The following DHRS7 variants were observed in gnomAD, a reference collection of about 807,000 sequenced individuals.
DHRS7 encodes the protein dehydrogenase/reductase SDR family member 7.
A neutral mutation model predicts 38.9 loss-of-function variants in DHRS7; 34 were observed. The ratio of observed to expected loss-of-function variants is 0.87; its 90% CI spans 0.66 to 1.16. The LOEUF (loss-of-function observed/expected upper bound fraction) is 1.16. Ranked by LOEUF, DHRS7 falls within the 50% of genes most tolerant of loss-of-function variation. The pLI is 0.00. For missense variants in DHRS7, 421 were observed against 407.0 expected (o/e 1.03, Z -0.30); for synonymous variants, 158 against 153.1 (o/e 1.03, Z -0.24).
rs1896760356 is a variant in DHRS7, at chr14:60,161,265, C to T, written c.133+3912G>A. Among the ~76,000 whole-genome samples the T allele has an allele frequency of 6.6e-6, 1 of 152,108 alleles. No individual in the cohort carries two copies. Among genetic ancestry groups the T allele is most frequent in the Admixed American group, 6.5e-5 (1 of 15,270 alleles). ...GCTTATGGTTATTAGAGCTGGGCTA[C>T]CTTTAATCATGGAATAATCTTATGT... On this transcript the variant is annotated intron_variant, in intron 1 of 6. Transcript: ENST00000557185. This position sits in a 1 kb window ranked among gnomAD's most constrained non-coding sequence, Gnocchi z 4.2.
In DHRS7 at chr14:60,162,472, C is replaced by T. The variant is rs1896782503; in HGVS notation, c.133+2705G>A. Among the ~76,000 whole-genome samples the T allele has an allele frequency of 6.6e-6, 1 of 151,996 alleles. No individual in the cohort carries two copies. The highest frequency in any genetic ancestry group is 2.4e-5 in the African/African-American group (1 of 41,378). On this transcript the variant is annotated intron_variant, in intron 1 of 6. Coordinates refer to ENST00000557185, the MANE Select transcript of DHRS7 (RefSeq NM_016029.4). This position sits in a 1 kb window ranked among gnomAD's most constrained non-coding sequence, Gnocchi z 4.5. ...AGAGGAGGCAGGAAATGGTGGCTGC[C>T]TCGAGAGAAGCACACTAGGTAGCTA... is the stretch of plus-strand genomic sequence containing the variant.
upstream of DHRS7, among the ~76,000 whole-genome samples, chr14:60,168,033 C>T (rs1205896320): frequency 2.0e-5 from 3 of 152,168 alleles, no homozygotes; most frequent in East Asian, 5.8e-4. Context: ...CCTGGCTGTA[C>T]CCCAGCTACA....
intron 2 of DHRS7, among the ~76,000 whole-genome samples, chr14:60,154,995 G>GT (rs1896627808): frequency 6.6e-6 from 1 of 152,168 alleles, no homozygotes. Context: ...TCATTTCTGG[G>GT]TGGTTAGCTC....
At chr14:60,155,811 A>C (rs1896645625) in intron 2 of DHRS7, 189 bp downstream of exon 2, 1 of 433,456 alleles carries the variant, frequency 2.3e-6, no homozygotes, top group Non-Finnish European at 3.8e-6. Flanking sequence ...AAAGCATAGA[A>C]AGGTGGCAGA....
chr14:60,157,068 C>T (rs1156903388), intron 1 of DHRS7, among the ~76,000 whole-genome samples: 1 of 152,164 alleles, frequency 6.6e-6, no homozygotes, highest in Non-Finnish European at 1.5e-5. Flanking sequence ...TATCAAATAT[C>T]GTATCACTTA....
chr14:60,153,019 T>C lies in DHRS7; in HGVS notation c.553A>G (p.Ile185Val). Residue 185 changes from isoleucine (I) to valine (V), a missense_variant, in exon 4 of 7, where the codon ATT becomes GTT. Ile to Val is a conservative substitution (Grantham distance 29). Transcript: ENST00000557185. The surrounding 1 kb of genome is among the most constrained non-coding windows in gnomAD (Gnocchi z 4.4). ...CCCAGGATGCTATTCACAGTAACAA[T>C]CTTTCCTTGCTTCCTCTCGATCATG... ...PHMIERKQGKIVTVNSILGII... is the reference protein window; with the variant it reads ...PHMIERKQGKVVTVNSILGII... 6.2e-7 allele frequency: 1 copy of C among 1,614,222 alleles called. No individual in the cohort carries two copies. Among genetic ancestry groups the C allele is most frequent in the Non-Finnish European group, 8.5e-7 (1 of 1,180,034 alleles).
chr14:60,153,850 C>T lies in DHRS7; in HGVS notation c.393+109G>A, dbSNP rs1896601009. ...GGCCCAACTCATGGGCCCGATCTCA[C>T]TGCATGGACCCCACTTGCCTAAAGC... is the stretch of plus-strand genomic sequence containing the variant. On this transcript the variant is annotated intron_variant, in intron 3 of 6. Transcript: ENST00000557185. The surrounding 1 kb of genome is among the most constrained non-coding windows in gnomAD (Gnocchi z 4.4). 1.1e-6 allele frequency: 1 copy of T among 881,392 alleles called. No homozygotes were observed. The highest frequency in any genetic ancestry group is 1.8e-6 in the Non-Finnish European group (1 of 541,788). 54.6% of individuals were successfully genotyped at this position (881,392 alleles called of 1,614,324 possible).
upstream of DHRS7, chr14:60,169,157 A>AAC (rs1896903546): frequency 6.7e-6 from 1 of 150,122 alleles, no homozygotes; most frequent in East Asian, 2.2e-4. Context: ...AAAAAAAAAA[A>AAC]AAAACCATTG....
intron 1 of DHRS7, among the ~76,000 whole-genome samples, chr14:60,156,529 G>C (rs1341377016): frequency 6.6e-6 from 1 of 152,166 alleles, no homozygotes; most frequent in Non-Finnish European, 1.5e-5. Context: ...AAAAATCACT[G>C]TCTGGACTCA....
Position 60,153,232 on chromosome 14 carries a change from T to G in DHRS7, c.394-54A>C. 6.3e-7 allele frequency: 1 copy of G among 1,595,610 alleles called. No homozygotes were observed. The highest frequency in any genetic ancestry group is 2.2e-5 in the East Asian group (1 of 44,622). On this transcript the variant is annotated intron_variant, in intron 3 of 6. Coordinates refer to ENST00000557185, the MANE Select transcript of DHRS7 (RefSeq NM_016029.4). The surrounding 1 kb of genome is among the most constrained non-coding windows in gnomAD (Gnocchi z 4.4). ...TTTGGGGGATGTCTTGTGGATAGATTGATGGAATTCCTATGGATGGTTGGT... is the reference window on the plus strand; with the variant it reads ...TTTGGGGGATGTCTTGTGGATAGATGGATGGAATTCCTATGGATGGTTGGT...
At position 60,145,297 on chromosome 14, in the gene DHRS7, G is replaced by A; in HGVS notation, c.973-284C>T. On this transcript the variant is annotated intron_variant, in intron 6 of 6. Coordinates refer to ENST00000557185, the MANE Select transcript of DHRS7 (RefSeq NM_016029.4). This position sits in a 1 kb window ranked among gnomAD's most constrained non-coding sequence, Gnocchi z 4.0. ...TCTCTATAATGACTTTTCTGGATCA[G>A]CATATCATACCTACACTGACTTGCC... 4.1e-6 allele frequency: 1 copy of A among 246,672 alleles called. No individual in the cohort carries two copies. The allele number at this position is 246,672 out of a possible 1,614,324, so 15.3% of individuals were successfully genotyped here.
At chr14:60,160,590 G>T (rs911807151) in intron 1 of DHRS7, among the ~76,000 whole-genome samples, 1 of 151,516 alleles carries the variant, frequency 6.6e-6, no homozygotes, top group Non-Finnish European at 1.5e-5. Flanking sequence ...TTTGGCGGGG[G>T]GACGGGGGGA....
chr14:60,160,359 T>C (rs917694830), intron 1 of DHRS7, among the ~76,000 whole-genome samples: 1 of 151,188 alleles, frequency 6.6e-6, no homozygotes. Flanking sequence ...TTTTTTTTTT[T>C]TTACAAAATT....
rs1362267175 is a variant in DHRS7 at position 60,153,839 on chromosome 14, GC to G, written c.393+119del. ...AGAGATTAAGGGGCCCAACTCATGG[GC>G]CCGATCTCACTGCATGGACCCCACT... On this transcript the variant is annotated intron_variant, in intron 3 of 6. Coordinates refer to ENST00000557185, the MANE Select transcript of DHRS7 (RefSeq NM_016029.4). The surrounding 1 kb of genome is among the most constrained non-coding windows in gnomAD (Gnocchi z 4.4). 3 of 756,726 alleles carry G rather than the reference GC, an allele frequency of 4.0e-6. No individual in the cohort carries two copies. The highest frequency in any genetic ancestry group is 2.4e-4 in the Middle Eastern group (1 of 4,236). The allele number at this position is 756,726 out of a possible 1,614,324, so 46.9% of individuals were successfully genotyped here.
chr14:60,150,314 G>A (rs1896516897), intron 4 of DHRS7, 127 bp from the exon 5 acceptor site: 1 of 854,358 alleles, frequency 1.2e-6, no homozygotes, highest in Non-Finnish European at 1.7e-6. Flanking sequence ...AAGCTTATTA[G>A]GCACTTTTTT....
intron 4 of DHRS7, 131 bp from the exon 5 acceptor site, chr14:60,150,318 CTTTT>C (rs558750959): frequency 8.9e-6 from 7 of 788,166 alleles, no homozygotes; most frequent in African/African-American, 5.5e-5. Context: ...TTATTAGGCA[CTTTT>C]TTTTATTATT....
chr14:60,159,057 G>T, intron 1 of DHRS7: 1 of 459,346 alleles, frequency 2.2e-6, no homozygotes, highest in Non-Finnish European at 4.4e-6. Flanking sequence ...TTGTATCCAA[G>T]GCCCAAAAGT....
At position 60,144,658 on chromosome 14, in the gene DHRS7, G is replaced by C. The variant is rs2140580921; in HGVS notation, c.*308C>G. 4.2e-6 allele frequency: 1 copy of C among 235,744 alleles called. No homozygotes were observed. The highest frequency in any genetic ancestry group is 7.2e-5 in the South Asian group (1 of 13,930). The allele number at this position is 235,744 out of a possible 1,614,324, so 14.6% of individuals were successfully genotyped here. On this transcript the variant is annotated 3_prime_UTR_variant, in exon 7 of 7. Transcript: ENST00000557185. ...GTTGTTTATAAATTACCAAATCTGT[G>C]GTATTTTGTTATAGCAGCACAAATG...
In DHRS7 at chr14:60,149,456, G is replaced by T; in HGVS notation, c.869C>A (p.Pro290His). Reference sequence around the variant, plus strand: ...CCACAAATATGTTACTAACAAGAAAGGTTGTTCTGAGATCCAAACTTCTTT... The same window carrying T: ...CCACAAATATGTTACTAACAAGAAATGTTGTTCTGAGATCCAAACTTCTTT... ...DLKEVWISEQPFLLVTYLWQY... is the reference protein window; with the variant it reads ...DLKEVWISEQHFLLVTYLWQY... The change falls in exon 6 of 7, where the codon CCT becomes CAT. Residue 290 changes from proline (P) to histidine (H), a missense_variant. By Grantham distance (77) the Pro-to-His change is moderately conservative (BLOSUM62 -2). Coordinates refer to ENST00000557185, the MANE Select transcript of DHRS7 (RefSeq NM_016029.4). The T allele has an allele frequency of 2.5e-6, 4 of 1,614,098 alleles. No individual in the cohort carries two copies. Among genetic ancestry groups the T allele is most frequent in the Non-Finnish European group, 3.4e-6 (4 of 1,180,002 alleles).
Sources: allele counts gnomAD v4.1 joint callset (sites outside exome capture counted in the v4.1 genomes callset), GRCh38; gene constraint gnomAD v4.1.1; non-coding constraint Gnocchi (gnomAD v3.1); transcripts MANE v1.5; gene names NCBI Gene and HGNC (gene_info 2026-07-23, HGNC 2026-07-21).